The following AP5M1 variants were observed in gnomAD, a reference collection of about 807,000 sequenced individuals.
The protein encoded by AP5M1 is adaptor related protein complex 5 subunit mu 1.
In AP5M1, 44 loss-of-function variants were observed where a neutral mutation model predicts 52.3. That is an observed-to-expected ratio of 0.84 (90% CI 0.66 to 1.08). AP5M1 has a LOEUF of 1.08. AP5M1 is among the 50% of genes least tolerant of loss of function. The pLI is 0.00. For synonymous variants in AP5M1, 213 were observed against 199.0 expected, an observed-to-expected ratio of 1.07 and a Z score of -0.59; for missense variants, 526 against 568.4, an observed-to-expected ratio of 0.93 and a Z score of 0.76.
chr14:57,297,563 A>G lies in AP5M1; in HGVS notation c.*8679A>G, dbSNP rs1365928990. ...TTGGAAAACATTCTTAGCCTTGTTT[A>G]TTTTGAATGTATGTGTGTGTGTGTG... On this transcript the variant is annotated 3_prime_UTR_variant, in exon 8 of 8. Coordinates refer to ENST00000261558, the MANE Select transcript of AP5M1 (RefSeq NM_018229.4). 2.6e-5 allele frequency: 4 copies of G among 151,994 alleles called. No individual in the cohort carries two copies. The highest frequency in any genetic ancestry group is 7.2e-5 in the African/African-American group (3 of 41,390). The allele number at this position is 151,994 out of a possible 1,614,324, so 9.4% of individuals were successfully genotyped here.
rs990683684 is a variant in AP5M1, at chr14:57,289,161, G to A, written c.*277G>A. The stretch of plus-strand genomic sequence containing the variant: ...TGGGCTCATTTTAGACTGGTCCTGG[G>A]TCACCCTGCCACACTTGTTTCCTAG... On this transcript the variant is annotated 3_prime_UTR_variant, in exon 8 of 8. Coordinates refer to ENST00000261558, the MANE Select transcript of AP5M1 (RefSeq NM_018229.4). 4.7e-6 allele frequency: 1 copy of A among 213,126 alleles called. No homozygotes were observed. Among genetic ancestry groups the A allele is most frequent in the African/African-American group, 2.4e-5 (1 of 42,496 alleles). The allele number at this position is 213,126 out of a possible 1,614,324, so 13.2% of individuals were successfully genotyped here.
At position 57,290,314 on chromosome 14, in the gene AP5M1, C is replaced by T. The variant is rs1336515805; in HGVS notation, c.*1430C>T. ...GTAACAAAGAAAAAAAGAATAACTG[C>T]CTGACCAGGATTTTAACTTGTTATT... On this transcript the variant is annotated 3_prime_UTR_variant, in exon 8 of 8. Transcript: ENST00000261558. 1 of 151,882 alleles carries T rather than the reference C, an allele frequency of 6.6e-6. No individual in the cohort carries two copies. 9.4% of individuals were successfully genotyped at this position (151,882 alleles called of 1,614,324 possible). A position where few individuals can be genotyped will look rare whatever the true frequency, so the allele number is the denominator to read the frequency against.
At chr14:57,277,134 CT>C (rs56736203) in intron 2 of AP5M1, among the ~76,000 whole-genome samples, 28,277 of 140,000 alleles carry the variant, frequency 0.2, 5,736 homozygotes, top group African/African-American at 0.53. Context: ...TCTTAGGTGC[CT>C]TTTTTTTTTT....
In AP5M1 at chr14:57,274,494, G is replaced by A. The variant is rs1182558533; in HGVS notation, c.325G>A (p.Val109Ile). 9.3e-6 allele frequency: 15 copies of A among 1,614,048 alleles called. No individual in the cohort carries two copies. Among genetic ancestry groups the A allele is most frequent in the Non-Finnish European group, 1.2e-5 (14 of 1,180,038 alleles). The change falls in exon 2 of 8, where the codon GTT becomes ATT. Residue 109 changes from valine to isoleucine, a missense_variant. Val to Ile is a conservative substitution (Grantham distance 29). Coordinates refer to ENST00000261558, the MANE Select transcript of AP5M1 (RefSeq NM_018229.4). The stretch of plus-strand genomic sequence containing the variant: ...GAAGAATGACATGATATATGCTTGT[G>A]TTCCACTAGTTGAACAAACTCTGTC... ...FLKNDMIYAC[V>I]PLVEQTLSPR... is the part of the protein sequence containing the mutation.
At chr14:57,273,624 T>C in intron 1 of AP5M1, 1 of 654,086 alleles carries the variant, frequency 1.5e-6, no homozygotes, top group South Asian at 1.7e-5. Flanking sequence ...CATTCTGATT[T>C]TATTCTTTTT....
At chr14:57,283,545 G>T (rs146700911) in intron 6 of AP5M1, among the ~76,000 whole-genome samples, 18 of 152,280 alleles carry the variant, frequency 1.2e-4, no homozygotes, top group African/African-American at 3.6e-4. Context: ...GCTAAATTGT[G>T]CCACTGCACT....
At chr14:57,285,971 C>T (rs923699647) in intron 6 of AP5M1, among the ~76,000 whole-genome samples, 1 of 151,944 alleles carries the variant, frequency 6.6e-6, no homozygotes, top group Non-Finnish European at 1.5e-5. Context: ...TAGTGAAGTG[C>T]GTATTATGTG....
chr14:57,275,093 C>G (rs1390148835), intron 2 of AP5M1: 1 of 604,112 alleles, frequency 1.7e-6, no homozygotes, highest in Non-Finnish European at 2.9e-6. Context: ...AAAGAATTGT[C>G]TCATTGTCCC....
Position 57,297,408 on chromosome 14 carries a change from G to A in AP5M1, c.*8524G>A, listed in dbSNP as rs1430916716. On this transcript the variant is annotated 3_prime_UTR_variant, in exon 8 of 8. Coordinates refer to ENST00000261558, the MANE Select transcript of AP5M1 (RefSeq NM_018229.4). Reference sequence around the variant, plus strand: ...ATAGAATTATAAGGAAAATATATATGTGAAGAAATGTTAGGTAATCTAACA... The same window carrying A: ...ATAGAATTATAAGGAAAATATATATATGAAGAAATGTTAGGTAATCTAACA... 4 of 152,048 alleles carry A rather than the reference G, an allele frequency of 2.6e-5. No homozygotes were observed. The highest frequency in any genetic ancestry group is 4.4e-5 in the Non-Finnish European group (3 of 67,998). The allele number at this position is 152,048 out of a possible 1,614,324, so 9.4% of individuals were successfully genotyped here.
rs750940314 is a variant in AP5M1, at chr14:57,296,721, T to A, written c.*7837T>A. The A allele has an allele frequency of 7.9e-5, 12 of 152,054 alleles. No individual in the cohort carries two copies. Among genetic ancestry groups the A allele is most frequent in the Non-Finnish European group, 1.6e-4 (11 of 67,990 alleles). 9.4% of individuals were successfully genotyped at this position (152,054 alleles called of 1,614,324 possible). On this transcript the variant is annotated 3_prime_UTR_variant, in exon 8 of 8. Transcript: ENST00000261558. The stretch of plus-strand genomic sequence containing the variant: ...TTGAAGGCCTAAACACAATTGAACA[T>A]AAGGTATGGCTTGGAATTTAGAACT...
At chr14:57,282,356 T>C in intron 4 of AP5M1, 128 bp downstream of exon 4, 1 of 648,748 alleles carries the variant, frequency 1.5e-6, no homozygotes, top group Non-Finnish European at 2.3e-6. Context: ...TTTAAATGAA[T>C]GCTGATTTTC....
chr14:57,270,331 T>C (rs913726886), intron 1 of AP5M1, among the ~76,000 whole-genome samples: 1 of 152,154 alleles, frequency 6.6e-6, no homozygotes, highest in Admixed American at 6.5e-5. Flanking sequence ...GGCAATCGAG[T>C]GGGTCTATTT....
Position 57,276,114 on chromosome 14 carries a change from T to G in AP5M1, c.720+1225T>G, listed in dbSNP as rs571895556. Among the ~76,000 whole-genome samples, 297 of 152,304 alleles carry G rather than the reference T, an allele frequency of 2.0e-3. 1 individual carries two copies. The highest frequency in any genetic ancestry group is 6.9e-3 in the African/African-American group (286 of 41,576). On this transcript the variant is annotated intron_variant, in intron 2 of 7. Transcript: ENST00000261558. ...CGTTAAAGTTACCTAAAAGTTTTTG[T>G]GTCTATTTTAAACTCATATCTATCA...
At position 57,289,467 on chromosome 14, in the gene AP5M1, C is replaced by T. The variant is rs1424057711; in HGVS notation, c.*583C>T. The stretch of plus-strand genomic sequence containing the variant: ...AAAAGTGTTTAAATAGTAAGCTGTT[C>T]TTCTTAATCAGAACTATCCTATTGA... On this transcript the variant is annotated 3_prime_UTR_variant, in exon 8 of 8. Transcript: ENST00000261558. 2 of 151,988 alleles carry T rather than the reference C, an allele frequency of 1.3e-5. No homozygotes were observed. The highest frequency in any genetic ancestry group is 2.1e-4 in the South Asian group (1 of 4,832). The allele number at this position is 151,988 out of a possible 1,614,324, so 9.4% of individuals were successfully genotyped here. A position where few individuals can be genotyped will look rare whatever the true frequency, so the allele number is the denominator to read the frequency against.
chr14:57,284,738 G>A (rs1262403324), intron 6 of AP5M1, among the ~76,000 whole-genome samples: 2 of 152,278 alleles, frequency 1.3e-5, no homozygotes, highest in East Asian at 1.9e-4. Context: ...GGGTAGAGAC[G>A]TGAATCTCAT....
In AP5M1 at chr14:57,290,634, A is replaced by G. The variant is rs781673880; in HGVS notation, c.*1750A>G. The G allele has an allele frequency of 6.6e-6, 1 of 151,996 alleles. No individual in the cohort carries two copies. The highest frequency in any genetic ancestry group is 1.5e-5 in the Non-Finnish European group (1 of 67,920). The allele number at this position is 151,996 out of a possible 1,614,324, so 9.4% of individuals were successfully genotyped here. A position where few individuals can be genotyped will look rare whatever the true frequency, so the allele number is the denominator to read the frequency against. On this transcript the variant is annotated 3_prime_UTR_variant, in exon 8 of 8. Transcript: ENST00000261558. ...AGTGAATCTTCTATTTGACATTTCTAGAAACCGGAGGAAAATCTAGGGTGT... is the reference window on the plus strand; with the variant it reads ...AGTGAATCTTCTATTTGACATTTCTGGAAACCGGAGGAAAATCTAGGGTGT...
At chr14:57,282,903 C>G in intron 4 of AP5M1, 31 bp from the exon 5 acceptor site, 1 of 1,444,886 alleles carries the variant, frequency 6.9e-7, no homozygotes, top group Non-Finnish European at 9.5e-7. Flanking sequence ...TATCTATGAT[C>G]TTTTTCTATT....
chr14:57,277,589 A>G (rs530970352), intron 2 of AP5M1, among the ~76,000 whole-genome samples: 1 of 152,058 alleles, frequency 6.6e-6, no homozygotes, highest in South Asian at 2.1e-4. Flanking sequence ...ATTGTCACTG[A>G]CAGACCTTAT....
chr14:57,280,782 C>T (rs1443743939), intron 3 of AP5M1, among the ~76,000 whole-genome samples: 3 of 151,130 alleles, frequency 2.0e-5, no homozygotes, highest in African/African-American at 7.3e-5. Flanking sequence ...ACCCAGGTGG[C>T]GGAGGTTGCG....
Sources: gnomAD v4.1 joint callset for allele counts (sites outside exome capture counted in the v4.1 genomes callset) on GRCh38, gnomAD v4.1.1 for gene constraint, MANE v1.5 for transcripts, NCBI Gene and HGNC (gene_info 2026-07-23, HGNC 2026-07-21) for gene names.